The following GCNT1 variants were observed in gnomAD, a reference collection of about 807,000 sequenced individuals.
GCNT1 encodes the protein beta-1,3-galactosyl-O-glycosyl-glycoprotein beta-1,6-N-acetylglucosaminyltransferase.
A neutral mutation model predicts 26.2 loss-of-function variants in GCNT1; 16 were observed. That is an observed-to-expected ratio of 0.61 (90% confidence interval 0.41 to 0.93). GCNT1 has a LOEUF of 0.93. Among genes scored for constraint, GCNT1 ranks in the 40% least tolerant of loss-of-function variants. The pLI is 0.00. For missense variants in GCNT1, 477 were observed against 526.7 expected (o/e 0.91, Z 0.92); for synonymous variants, 183 against 190.8 (o/e 0.96, Z 0.34).
chr9:76,468,336 T>A (rs1239976010), intron 2 of GCNT1, among the ~76,000 whole-genome samples: 14 of 152,044 alleles, frequency 9.2e-5, no homozygotes, highest in Admixed American at 9.2e-4. Flanking sequence ...AGCTATAGAG[T>A]GTCATCGAGT....
intron 2 of GCNT1, among the ~76,000 whole-genome samples, chr9:76,468,203 T>G (rs1447004685): frequency 1.3e-5 from 2 of 152,080 alleles, no homozygotes; most frequent in Non-Finnish European, 2.9e-5. Context: ...CGACCCTCCT[T>G]CAGTCCTGTG....
intron 2 of GCNT1, among the ~76,000 whole-genome samples, chr9:76,477,113 C>T (rs896377481): frequency 6.6e-6 from 1 of 150,580 alleles, no homozygotes; most frequent in Admixed American, 6.6e-5. Flanking sequence ...CGGGGTTTCA[C>T]CATGTTGGCC....
chr9:76,394,357 C>A, the GCNT1 span: 8 of 522,684 alleles, frequency 1.5e-5, no homozygotes, highest in Non-Finnish European at 2.6e-5. Flanking sequence ...GCCGCCGACC[C>A]AACAAATACC....
intron 2 of GCNT1, among the ~76,000 whole-genome samples, chr9:76,475,585 T>C (rs1824236837): frequency 6.6e-6 from 1 of 152,166 alleles, no homozygotes; most frequent in Non-Finnish European, 1.5e-5. Flanking sequence ...CGGAGTAGTG[T>C]GGGAGACAAG....
chr9:76,503,141 A>G lies in GCNT1; in HGVS notation c.760A>G (p.Arg254Gly), dbSNP rs1825132004. The part of the protein sequence containing the change: ...TERMPSHKEE[R>G]WKKRYEVVNG... ...GAGGATGCCATCCCATAAAGAAGAAAGGTGGAAGAAGCGGTATGAGGTCGT... is the reference window on the plus strand; with the variant it reads ...GAGGATGCCATCCCATAAAGAAGAAGGGTGGAAGAAGCGGTATGAGGTCGT... The change falls in exon 4 of 4, where the codon AGG (arginine) becomes GGG (glycine). Residue 254 changes from arginine to glycine, a missense_variant. Transcript: ENST00000376730. 4 of 1,614,212 alleles carry G rather than the reference A, an allele frequency of 2.5e-6. No individual in the cohort carries two copies. The highest frequency in any genetic ancestry group is 3.4e-6 in the Non-Finnish European group (4 of 1,180,034).
chr9:76,477,150 T>C (rs1824270979), intron 2 of GCNT1, among the ~76,000 whole-genome samples: 2 of 150,326 alleles, frequency 1.3e-5, no homozygotes, highest in Non-Finnish European at 3.0e-5. Context: ...CCTTGCCTCA[T>C]GTGATCTGCC....
upstream of GCNT1, among the ~76,000 whole-genome samples, chr9:76,456,831 G>A (rs182071371): frequency 1.7e-3 from 253 of 152,202 alleles, 1 homozygote; most frequent in Middle Eastern, 3.4e-3. Flanking sequence ...AAAAATTACC[G>A]GGCATGGTGG....
intron 2 of GCNT1, among the ~76,000 whole-genome samples, chr9:76,474,988 G>A (rs868065739): frequency 1.3e-5 from 2 of 152,178 alleles, no homozygotes; most frequent in African/African-American, 2.4e-5. Context: ...CCAGGCTGGA[G>A]TGCAGTGGCA....
intron 1 of GCNT1, among the ~76,000 whole-genome samples, chr9:76,449,153 C>T (rs1013350513): frequency 6.6e-6 from 1 of 151,886 alleles, no homozygotes; most frequent in Non-Finnish European, 1.5e-5. Flanking sequence ...AAAGCAAGAC[C>T]CTGTCTCTAC....
intron 1 of GCNT1, among the ~76,000 whole-genome samples, chr9:76,431,046 G>A (rs2131576775): frequency 6.6e-6 from 1 of 152,230 alleles, no homozygotes. Context: ...AATATATATT[G>A]GAGTAGTTCA....
chr9:76,503,582 A>ATT lies in GCNT1; in HGVS notation c.1201_1202insTT (p.Lys401IlefsTer19). On this transcript the variant is annotated frameshift_variant, in exon 4 of 4. Transcript: ENST00000376730. LOFTEE classifies it high-confidence loss of function. Reference sequence around the variant, plus strand: ...GCGCAAACACCACTTGTTTGCCAATAAGTTTGACGTGGATGTTGACCTCTT... The same window carrying ATT: ...GCGCAAACACCACTTGTTTGCCAATATTAGTTTGACGTGGATGTTGACCTCTT... 4 of 1,614,152 alleles carry ATT rather than the reference A, an allele frequency of 2.5e-6. No homozygotes were observed. The highest frequency in any genetic ancestry group is 3.4e-6 in the Non-Finnish European group (4 of 1,180,004).
At position 76,426,545 on chromosome 9, in the gene GCNT1, G is replaced by T. The variant is rs148220044; in HGVS notation, n.38+6658G>T. Among the ~76,000 whole-genome samples the T allele has an allele frequency of 2.6e-3, 399 of 152,074 alleles. 1 individual carries two copies. The highest frequency in any genetic ancestry group is 9.3e-3 in the African/African-American group (385 of 41,464). ...ATCATGCCACTACACTCCAGATTGG[G>T]TGACAGAGAGAGATCGTGTCTCAAA... On this transcript the variant is annotated intron_variant and non_coding_transcript_variant, in intron 1 of 3. Transcript: ENST00000488136.
chr9:76,491,997 C>T (rs368408377), intron 2 of GCNT1, among the ~76,000 whole-genome samples: 2 of 152,294 alleles, frequency 1.3e-5, no homozygotes, highest in African/African-American at 2.4e-5. Flanking sequence ...CAGCCACCGC[C>T]GCAACTATCT....
chr9:76,436,598 C>CA (rs1178497535), intron 1 of GCNT1, among the ~76,000 whole-genome samples: 7,914 of 39,056 alleles, frequency 0.2, 572 homozygotes, highest in Middle Eastern at 0.27. Flanking sequence ...GATTCCATCT[C>CA]AAAAAAAAAA....
At chr9:76,477,786 C>A (rs1008343312) in intron 2 of GCNT1, among the ~76,000 whole-genome samples, 2 of 152,178 alleles carry the variant, frequency 1.3e-5, no homozygotes, top group Admixed American at 1.3e-4. Flanking sequence ...AGTAGCTCCC[C>A]ATTCTTCCCT....
chr9:76,400,823 T>C, the GCNT1 span, among the ~76,000 whole-genome samples: 1 of 151,910 alleles, frequency 6.6e-6, no homozygotes, highest in Admixed American at 6.6e-5. Context: ...GAAAGAAAAA[T>C]GTCTAGCTAG....
In GCNT1 at chr9:76,503,700, G is replaced by T. The variant is rs1029618191; in HGVS notation, c.*32G>T. The T allele has an allele frequency of 1.3e-6, 2 of 1,541,670 alleles. No homozygotes were observed. Among genetic ancestry groups the T allele is most frequent in the Admixed American group, 1.7e-5 (1 of 58,966 alleles). ...CGGGCAATTTTATGAACAAGAAGAA[G>T]GATACACAAAACGTACCCTTATCTG... On this transcript the variant is annotated 3_prime_UTR_variant, in exon 4 of 4. Transcript: ENST00000376730.
chr9:76,396,167 A>C, the GCNT1 span, among the ~76,000 whole-genome samples: 4 of 152,254 alleles, frequency 2.6e-5, no homozygotes, highest in African/African-American at 7.2e-5. Context: ...TAAATGAGAT[A>C]AAATAATTAA....
upstream of GCNT1, among the ~76,000 whole-genome samples, chr9:76,438,541 A>G (rs759002276): frequency 1.3e-5 from 2 of 152,180 alleles, no homozygotes; most frequent in Non-Finnish European, 2.9e-5. Flanking sequence ...CTCTTCCATC[A>G]TGACTTGAAT....
Sources: allele counts gnomAD v4.1 joint callset (sites outside exome capture counted in the v4.1 genomes callset), GRCh38; gene constraint gnomAD v4.1.1; transcripts MANE v1.5; gene names NCBI Gene and HGNC (gene_info 2026-07-23, HGNC 2026-07-21).